The following CYP3A43 variants were observed in gnomAD, a reference collection of about 807,000 sequenced individuals.
CYP3A43 encodes cytochrome P450 family 3 subfamily A member 43, also known as cytochrome P450 3A43.
Under a neutral mutation model 58.0 loss-of-function variants are expected in CYP3A43, and 45 were observed. The observed-to-expected ratio is 0.78, with a 90% CI of 0.61 to 0.99. CYP3A43 has a LOEUF of 0.99. Among genes scored for constraint, CYP3A43 ranks in the 50% least tolerant of loss-of-function variants. CYP3A43 has a pLI of 0.00. For missense variants in CYP3A43, 593 were observed against 591.9 expected, an observed-to-expected ratio of 1.00 and a Z score of -0.02; for synonymous variants, 191 against 201.4, an observed-to-expected ratio of 0.95 and a Z score of 0.44.
chr7:99,854,112 T>C (rs1817875614), intron 7 of CYP3A43, among the ~76,000 whole-genome samples: 1 of 152,140 alleles, frequency 6.6e-6, no homozygotes, highest in African/African-American at 2.4e-5. Context: ...TATTCATTCT[T>C]TCTAACTATT....
chr7:99,863,352 A>C (rs1340041883), intron 11 of CYP3A43, among the ~76,000 whole-genome samples, 185 bp from the exon 12 acceptor site: 7 of 152,236 alleles, frequency 4.6e-5, no homozygotes. Context: ...AATTTGAATA[A>C]ACATGGGTTT....
At chr7:99,849,295 A>T (rs1032234290) in intron 6 of CYP3A43, among the ~76,000 whole-genome samples, 2 of 152,224 alleles carry the variant, frequency 1.3e-5, no homozygotes, top group Non-Finnish European at 2.9e-5. Flanking sequence ...TCTCCCTATG[A>T]CTGAGGTCCT....
intron 9 of CYP3A43, 31 bp downstream of exon 9, chr7:99,856,930 A>G (rs777588957): frequency 1.2e-6 from 2 of 1,601,942 alleles, no homozygotes; most frequent in Non-Finnish European, 1.7e-6. Flanking sequence ...GGGGCTACTG[A>G]TGGGGACACT....
intron 1 of CYP3A43, 87 bp from the exon 2 acceptor site, chr7:99,836,366 C>A: frequency 9.9e-7 from 1 of 1,014,334 alleles, no homozygotes; most frequent in South Asian, 1.4e-5. Flanking sequence ...CTCCCTTGAA[C>A]ATTCCAGTTC....
chr7:99,855,899 G>A (rs1817959312), intron 8 of CYP3A43, among the ~76,000 whole-genome samples, 181 bp downstream of exon 8: 2 of 152,164 alleles, frequency 1.3e-5, no homozygotes, highest in South Asian at 4.1e-4. Flanking sequence ...AAGAGAATGA[G>A]TGAAACAGCA....
At chr7:99,832,194 C>T (rs191894500) in intron 1 of CYP3A43, among the ~76,000 whole-genome samples, 1 of 151,960 alleles carries the variant, frequency 6.6e-6, no homozygotes, top group Admixed American at 6.6e-5. Flanking sequence ...CTCAGTAACC[C>T]TCTGTAATTC....
chr7:99,847,463 A>T, intron 4 of CYP3A43, 25 bp from the exon 5 acceptor site: 3 of 1,608,944 alleles, frequency 1.9e-6, no homozygotes, highest in Non-Finnish European at 2.5e-6. Flanking sequence ...TACGTAGGAC[A>T]AACTGCTTCT....
At chr7:99,842,498 A>T (rs1187211557) in intron 3 of CYP3A43, among the ~76,000 whole-genome samples, 1 of 152,156 alleles carries the variant, frequency 6.6e-6, no homozygotes, top group Non-Finnish European at 1.5e-5. Context: ...TCTTGTACAA[A>T]TATCTTCTCT....
intron 1 of CYP3A43, among the ~76,000 whole-genome samples, chr7:99,830,694 A>G (rs935713576): frequency 2.0e-5 from 3 of 152,156 alleles, no homozygotes; most frequent in Non-Finnish European, 4.4e-5. Context: ...CCCCATCAGA[A>G]GATACTACAT....
intron 3 of CYP3A43, 151 bp from the exon 4 acceptor site, chr7:99,843,992 C>A: frequency 1.7e-6 from 1 of 602,606 alleles, no homozygotes; most frequent in South Asian, 2.3e-5. Context: ...GTGTCATACC[C>A]TAATTGACCT....
chr7:99,860,138 C>A, intron 10 of CYP3A43, 148 bp downstream of exon 10: 1 of 1,018,726 alleles, frequency 9.8e-7, no homozygotes, highest in Non-Finnish European at 1.4e-6. Flanking sequence ...AGAGTAAAAA[C>A]AAAGGGAGAA....
At chr7:99,837,405 C>T (rs1817142069) in intron 2 of CYP3A43, among the ~76,000 whole-genome samples, 1 of 151,898 alleles carries the variant, frequency 6.6e-6, no homozygotes, top group South Asian at 2.1e-4. Context: ...TTTGCACATA[C>T]TTGAATTCTC....
chr7:99,860,172 C>T (rs945953291), intron 10 of CYP3A43, among the ~76,000 whole-genome samples, 182 bp downstream of exon 10: 1 of 152,200 alleles, frequency 6.6e-6, no homozygotes, highest in African/African-American at 2.4e-5. Context: ...ATGCTTCTTG[C>T]GTAAGTGTAA....
At chr7:99,855,094 G>C (rs1310725494) in intron 7 of CYP3A43, among the ~76,000 whole-genome samples, 1 of 151,998 alleles carries the variant, frequency 6.6e-6, no homozygotes, top group Non-Finnish European at 1.5e-5. Context: ...TGGTCAGGCT[G>C]GTCTCAAACT....
At chr7:99,829,833 G>C (rs1457408785) in intron 1 of CYP3A43, among the ~76,000 whole-genome samples, 3 of 152,204 alleles carry the variant, frequency 2.0e-5, no homozygotes, top group South Asian at 4.1e-4. Flanking sequence ...TAACTGGATT[G>C]ACATTGCTAG....
intron 7 of CYP3A43, among the ~76,000 whole-genome samples, chr7:99,855,080 A>T (rs535252039): frequency 2.2e-4 from 34 of 152,062 alleles, no homozygotes; most frequent in Non-Finnish European, 4.4e-4. Flanking sequence ...GGGTTCCGCC[A>T]TGTTGGTCAG....
At chr7:99,846,356 A>G (rs1817543379) in intron 4 of CYP3A43, among the ~76,000 whole-genome samples, 1 of 152,150 alleles carries the variant, frequency 6.6e-6, no homozygotes, top group Admixed American at 6.5e-5. Context: ...TGACATGTAA[A>G]TGGAATATTT....
At chr7:99,828,496 A>G (rs1339948689) in intron 1 of CYP3A43, among the ~76,000 whole-genome samples, 1 of 151,952 alleles carries the variant, frequency 6.6e-6, no homozygotes, top group African/African-American at 2.4e-5. Context: ...CCCCTTCTCT[A>G]CTAAAAATAC....
In CYP3A43 at chr7:99,863,671, TCTC is replaced by T. The variant is rs756812556; in HGVS notation, c.1391_1393del (p.Ser464del). On this transcript the variant is annotated inframe_deletion, in exon 12 of 13. Coordinates refer to ENST00000354829, the MANE Select transcript of CYP3A43 (RefSeq NM_057095.3). Reference sequence around the variant, plus strand: ...GCTGTCATTAGAGCACTGCAGAACTTCTCCTTCAAACCTTGTAAAGAGACTCAG... The same window carrying T: ...GCTGTCATTAGAGCACTGCAGAACTTCTTCAAACCTTGTAAAGAGACTCAG... 1.2e-6 allele frequency: 2 copies of T among 1,609,618 alleles called. No individual in the cohort carries two copies. The highest frequency in any genetic ancestry group is 1.3e-5 in the African/African-American group (1 of 74,908).
Sources: gnomAD v4.1 joint callset for allele counts (sites outside exome capture counted in the v4.1 genomes callset) on GRCh38, gnomAD v4.1.1 for gene constraint, MANE v1.5 for transcripts, NCBI Gene and HGNC (gene_info 2026-07-23, HGNC 2026-07-21) for gene names.